FBXW4: variants seen among roughly 807,000 people sequenced by gnomAD.
FBXW4 encodes the protein F-box/WD repeat-containing protein 4.
In FBXW4, 40 loss-of-function variants were observed where a neutral mutation model predicts 61.8. That is an observed-to-expected ratio of 0.65 (90% CI 0.50 to 0.84). FBXW4 has a LOEUF of 0.84. FBXW4 is among the 40% of genes least tolerant of loss of function. The pLI, the probability that FBXW4 is intolerant of heterozygous loss-of-function variation, is 0.00. For missense variants in FBXW4, 672 were observed against 753.8 expected (o/e 0.89, Z 1.27); for synonymous variants, 311 against 313.8 (o/e 0.99, Z 0.10).
intron 1 of FBXW4, among the ~76,000 whole-genome samples, chr10:101,682,133 T>A (rs950208923): frequency 2.6e-5 from 4 of 152,230 alleles, no homozygotes; most frequent in Non-Finnish European, 4.4e-5. Flanking sequence ...CCATTAATGG[T>A]GTTGTCACTA....
At chr10:101,639,309 A>G (rs1301726501) in intron 5 of FBXW4, among the ~76,000 whole-genome samples, 1 of 152,166 alleles carries the variant, frequency 6.6e-6, no homozygotes, top group East Asian at 1.9e-4. Flanking sequence ...TAAGGACACC[A>G]TCAACAGCTT....
chr10:101,649,655 C>T (rs1195431498), intron 5 of FBXW4, among the ~76,000 whole-genome samples: 5 of 152,176 alleles, frequency 3.3e-5, no homozygotes, highest in African/African-American at 1.2e-4. Flanking sequence ...CTTCTTTCTC[C>T]TTGTCAGGCC....
chr10:101,672,857 C>G lies in FBXW4; in HGVS notation c.1140+58G>C, dbSNP rs563265585. 1.9e-6 allele frequency: 3 copies of G among 1,577,576 alleles called. No homozygotes were observed. In the African/African-American group the frequency reaches 4.0e-5, roughly 21 times the overall value. On this transcript the variant is annotated intron_variant, in intron 4 of 8. Transcript: ENST00000331272. ...CCAATCCTGAGACTCAGGGATCTAT[C>G]CACCCCCTCCCTATAGACAGGAGGG... is the stretch of plus-strand genomic sequence containing the variant.
intron 5 of FBXW4, among the ~76,000 whole-genome samples, chr10:101,656,401 G>T (rs1025757564): frequency 2.6e-5 from 4 of 152,216 alleles, no homozygotes; most frequent in African/African-American, 9.7e-5. Context: ...AAAAAGGCCT[G>T]GTGGCCTCAC....
intron 5 of FBXW4, among the ~76,000 whole-genome samples, chr10:101,636,464 T>C (rs1192831908): frequency 6.6e-6 from 1 of 151,912 alleles, no homozygotes; most frequent in African/African-American, 2.4e-5. Context: ...ACACACATAG[T>C]ATTTAATGTG....
At chr10:101,658,855 A>T (rs888162867) in intron 5 of FBXW4, among the ~76,000 whole-genome samples, 1 of 151,968 alleles carries the variant, frequency 6.6e-6, no homozygotes, top group African/African-American at 2.4e-5. Context: ...TTTCATGAAG[A>T]TCCCTCTTTT....
At chr10:101,646,858 C>A (rs2064103683) in intron 5 of FBXW4, among the ~76,000 whole-genome samples, 1 of 152,146 alleles carries the variant, frequency 6.6e-6, no homozygotes, top group Non-Finnish European at 1.5e-5. Context: ...CATAAATAGC[C>A]TACAGTGATC....
chr10:101,646,549 G>A (rs183453371), intron 5 of FBXW4, among the ~76,000 whole-genome samples: 14 of 152,348 alleles, frequency 9.2e-5, no homozygotes, highest in East Asian at 1.9e-4. Flanking sequence ...TGGTCAAGGC[G>A]CCTTTGCTTG....
In FBXW4 at chr10:101,667,998, G is replaced by A. The variant is rs750319766; in HGVS notation, c.1141-18C>T. ...GGCCACACCTAGAAACAGGAGAGGA[G>A]ATGCTCTCGTTGGCATTGCCTGGGA... On this transcript the variant is annotated intron_variant, in intron 4 of 8. Coordinates refer to ENST00000331272, the MANE Select transcript of FBXW4 (RefSeq NM_022039.4). 33 of 1,595,678 alleles carry A rather than the reference G, an allele frequency of 2.1e-5. No homozygotes were observed. Among genetic ancestry groups the A allele is most frequent in the East Asian group, 2.2e-5 (1 of 44,756 alleles).
At chr10:101,665,104 T>C (rs2064285260) in intron 5 of FBXW4, among the ~76,000 whole-genome samples, 1 of 152,106 alleles carries the variant, frequency 6.6e-6, no homozygotes, top group African/African-American at 2.4e-5. Context: ...GCTGAGTTTA[T>C]TGAAAGGTTC....
At chr10:101,624,683 G>A (rs1369698281) in intron 6 of FBXW4, 62 bp downstream of exon 6, 2 of 1,581,950 alleles carry the variant, frequency 1.3e-6, no homozygotes, top group East Asian at 4.5e-5. Context: ...GCAGAGGCTG[G>A]CTCAGCAAGC....
At chr10:101,637,391 CAAAAAAAAAAAAAAAA>C (rs908050683) in intron 5 of FBXW4, among the ~76,000 whole-genome samples, 7 of 14,852 alleles carry the variant, frequency 4.7e-4, no homozygotes, top group African/African-American at 1.9e-3. Flanking sequence ...GACTCCGTCT[CAAAAAAAAAAAAAAAA>C]AAAAAAAAAG....
intron 2 of FBXW4, among the ~76,000 whole-genome samples, chr10:101,675,143 G>A (rs1348406020): frequency 3.3e-5 from 5 of 152,350 alleles, no homozygotes; most frequent in Admixed American, 2.6e-4. Context: ...TTCTGCTCAT[G>A]AGGTTTTTAC....
At position 101,694,435 on chromosome 10, in the gene FBXW4, C is replaced by A. The variant is rs867123934; in HGVS notation, c.671G>T (p.Arg224Leu). ...RRFTSCDLLW[R>L]RIARASLNSG... Reference sequence around the variant, plus strand: ...GTTGAGCGAGGCCCGGGCTATCCGGCGCCAGAGCAGATCGCAGCTGGTGAA... The same window carrying A: ...GTTGAGCGAGGCCCGGGCTATCCGGAGCCAGAGCAGATCGCAGCTGGTGAA... The change falls in exon 1 of 9, where the codon CGC becomes CTC. Residue 224 changes from arginine to leucine, a missense_variant. Physicochemically the swap from Arg to Leu is moderately radical, Grantham distance 102. Transcript: ENST00000331272. This position sits in a 1 kb window ranked among gnomAD's most constrained non-coding sequence, Gnocchi z 6.0. The A allele has an allele frequency of 2.0e-6, 3 of 1,535,022 alleles. No homozygotes were observed. The highest frequency in any genetic ancestry group is 2.6e-5 in the East Asian group (1 of 37,822).
At chr10:101,659,006 T>C (rs2064217836) in intron 5 of FBXW4, among the ~76,000 whole-genome samples, 1 of 151,962 alleles carries the variant, frequency 6.6e-6, no homozygotes. Flanking sequence ...GGTTCCTCTT[T>C]AGCCTTGACA....
chr10:101,694,017 T>A lies in FBXW4; in HGVS notation c.725+364A>T, dbSNP rs1212527263. On this transcript the variant is annotated intron_variant, in intron 1 of 8. Transcript: ENST00000331272. This position sits in a 1 kb window ranked among gnomAD's most constrained non-coding sequence, Gnocchi z 6.0. ...TCCTAGACCTGGACTCAAGGAATCG[T>A]CCAAAGCACCGTACCAGACTGGCTC... 1.3e-5 allele frequency among the ~76,000 whole-genome samples: 2 copies of A among 152,106 alleles called. No individual in the cohort carries two copies. The highest frequency in any genetic ancestry group is 2.4e-5 in the African/African-American group (1 of 41,410).
intron 5 of FBXW4, among the ~76,000 whole-genome samples, chr10:101,652,825 C>G (rs1564915195): frequency 6.6e-6 from 1 of 152,206 alleles, no homozygotes; most frequent in Non-Finnish European, 1.5e-5. Context: ...ACCATCTACT[C>G]TGGCTGGCTG....
At position 101,631,149 on chromosome 10, in the gene FBXW4, T is replaced by C. The variant is rs540656762; in HGVS notation, c.1236-6339A>G. ...AGTTTAAAGCAAATAAAAAGAAGTT[T>C]CATTTCACACAGCAACTGGCATACC... On this transcript the variant is annotated intron_variant, in intron 5 of 8. Transcript: ENST00000331272. Among the ~76,000 whole-genome samples, 22 of 152,316 alleles carry C rather than the reference T, an allele frequency of 1.4e-4. No homozygotes were observed. The South Asian group carries it at 4.6e-3, about 32-fold the overall frequency.
In FBXW4 at chr10:101,695,146, G is replaced by A. The variant is rs557642249; in HGVS notation, c.-41C>T. On this transcript the variant is annotated 5_prime_UTR_variant, in exon 1 of 9. Coordinates refer to ENST00000331272, the MANE Select transcript of FBXW4 (RefSeq NM_022039.4). This position sits in a 1 kb window ranked among gnomAD's most constrained non-coding sequence, Gnocchi z 4.2. ...CGGCCCGACGCGGAGCCCAGCCCGA[G>A]CCGCCACCGCCGCCGCCCCGGGAGG... 4.2e-5 allele frequency: 41 copies of A among 985,124 alleles called. No homozygotes were observed. In the South Asian group the frequency reaches 1.9e-3, roughly 45 times the overall value. The allele number at this position is 985,124 out of a possible 1,614,324, so 61.0% of individuals were successfully genotyped here.
Sources: allele counts gnomAD v4.1 joint callset (sites outside exome capture counted in the v4.1 genomes callset), GRCh38; gene constraint gnomAD v4.1.1; non-coding constraint Gnocchi (gnomAD v3.1); transcripts MANE v1.5; gene names NCBI Gene and HGNC (gene_info 2026-07-23, HGNC 2026-07-21).